Variants in C8orf34 observed in about 807,000 individuals in gnomAD.
C8orf34 encodes uncharacterized protein C8orf34.
Under a neutral mutation model 68.3 loss-of-function variants are expected in C8orf34, and 65 were observed. The observed-to-expected ratio is 0.95, with a 90% confidence interval of 0.78 to 1.17. The LOEUF is 1.17. Ranked by LOEUF, C8orf34 falls within the 50% of genes most tolerant of loss-of-function variation. The probability of loss-of-function intolerance (pLI) is 0.00; values close to 1 mark genes in which losing one functional copy is unlikely to be tolerated. For missense variants in C8orf34, 664 were observed against 655.4 expected (o/e 1.01, Z -0.14); for synonymous variants, 244 against 241.2 (o/e 1.01, Z -0.11).
intron 1 of C8orf34, among the ~76,000 whole-genome samples, chr8:68,388,001 C>A (rs1004583125): frequency 6.6e-6 from 1 of 152,134 alleles, no homozygotes; most frequent in Non-Finnish European, 1.5e-5. Context: ...ACTGAGTGTG[C>A]ATTTCATGGT....
intron 2 of C8orf34, among the ~76,000 whole-genome samples, chr8:68,443,793 T>C (rs2129626437): frequency 6.6e-6 from 1 of 152,330 alleles, no homozygotes; most frequent in African/African-American, 2.4e-5. Flanking sequence ...AGATATCCTC[T>C]TGTTGCCTTT....
chr8:68,372,313 C>A (rs1159672636), intron 1 of C8orf34, among the ~76,000 whole-genome samples: 2 of 152,170 alleles, frequency 1.3e-5, no homozygotes, highest in Non-Finnish European at 2.9e-5. Flanking sequence ...TTAATAACTT[C>A]AGGAAGCAGC....
rs369908740 is a variant in C8orf34, at chr8:68,358,657, CT to C, written c.327+27328del. On this transcript the variant is annotated intron_variant, in intron 1 of 13. Coordinates refer to ENST00000518698, the MANE Select transcript of C8orf34 (RefSeq NM_052958.4). ...CAATTTCTACAATTGGCAATTTATT[CT>C]TTTTTTTTTGGAGGGGGGGTGTTTA... 7.1e-3 allele frequency among the ~76,000 whole-genome samples: 1,040 copies of C among 146,660 alleles called. 38 individuals are homozygous for C. The South Asian group carries it at 0.092, about 13-fold the overall frequency.
intron 7 of C8orf34, among the ~76,000 whole-genome samples, chr8:68,559,736 G>T (rs1431383609): frequency 1.3e-5 from 2 of 152,160 alleles, no homozygotes; most frequent in Non-Finnish European, 2.9e-5. Context: ...TTAGCATGTA[G>T]CCAGGAACTT....
chr8:68,475,635 AAAAT>A (rs761296859), intron 4 of C8orf34, among the ~76,000 whole-genome samples: 114 of 152,360 alleles, frequency 7.5e-4, no homozygotes, highest in Non-Finnish European at 1.4e-3. Context: ...GTGATGCTTA[AAAAT>A]AAATAGATAG....
rs1586342950 is a variant in C8orf34, at chr8:68,538,194, T to A, written c.1105+5045T>A. Among the ~76,000 whole-genome samples the A allele has an allele frequency of 4.6e-5, 7 of 152,216 alleles. No individual in the cohort carries two copies. In the South Asian group the frequency reaches 1.4e-3, roughly 32 times the overall value. On this transcript the variant is annotated intron_variant, in intron 7 of 13. Coordinates refer to ENST00000518698, the MANE Select transcript of C8orf34 (RefSeq NM_052958.4). ...CACATACCAATAACATAGAATAATA[T>A]ATTTTTTCTTGTTTATGTTATAGCT...
In C8orf34 at chr8:68,591,038, T is replaced by C. The variant is rs1419080909; in HGVS notation, c.1106-49338T>C. ...CCAGCCACACTGCATGAGAAACCTATGTCGATTTGAGGCCCTTCCTCTATT... is the reference window on the plus strand; with the variant it reads ...CCAGCCACACTGCATGAGAAACCTACGTCGATTTGAGGCCCTTCCTCTATT... On this transcript the variant is annotated intron_variant, in intron 7 of 13. Coordinates refer to ENST00000518698, the MANE Select transcript of C8orf34 (RefSeq NM_052958.4). Among the ~76,000 whole-genome samples the C allele has an allele frequency of 2.6e-5, 4 of 152,124 alleles. No homozygotes were observed. The East Asian group carries it at 7.7e-4, about 29-fold the overall frequency.
At chr8:68,412,858 A>G (rs1255380701) in intron 1 of C8orf34, among the ~76,000 whole-genome samples, 1 of 151,974 alleles carries the variant, frequency 6.6e-6, no homozygotes, top group Non-Finnish European at 1.5e-5. Context: ...CATCCCACCC[A>G]TTGATCCCAC....
intron 5 of C8orf34, among the ~76,000 whole-genome samples, 181 bp from the exon 6 acceptor site, chr8:68,521,618 A>G (rs1016920003): frequency 6.6e-6 from 1 of 152,192 alleles, no homozygotes; most frequent in African/African-American, 2.4e-5. Context: ...CAGTGACCTT[A>G]GGAATTAGCA....
At chr8:68,742,372 A>C (rs1245374393) in intron 10 of C8orf34, among the ~76,000 whole-genome samples, 1 of 152,224 alleles carries the variant, frequency 6.6e-6, no homozygotes, top group Non-Finnish European at 1.5e-5. Flanking sequence ...AAATAAAACT[A>C]TCAAGCAAGT....
intron 7 of C8orf34, among the ~76,000 whole-genome samples, chr8:68,552,168 C>A (rs1372307538): frequency 6.6e-6 from 1 of 152,124 alleles, no homozygotes; most frequent in Non-Finnish European, 1.5e-5. Flanking sequence ...AGTCCTCCAA[C>A]TCTGTGCTTT....
At chr8:68,446,994 G>C (rs779876460) in intron 3 of C8orf34, 1 of 152,620 alleles carries the variant, frequency 6.6e-6, no homozygotes, top group African/African-American at 2.4e-5. Context: ...GAATGACTGA[G>C]GTTGGGTATT....
intron 1 of C8orf34, among the ~76,000 whole-genome samples, chr8:68,404,812 C>A (rs534302970): frequency 2.6e-5 from 4 of 152,084 alleles, no homozygotes; most frequent in Admixed American, 1.3e-4. Context: ...TAGTGTGATG[C>A]CTCCAGCTTT....
At chr8:68,458,449 TA>T (rs1444389377) in intron 3 of C8orf34, among the ~76,000 whole-genome samples, 2 of 151,752 alleles carry the variant, frequency 1.3e-5, no homozygotes, top group Admixed American at 6.6e-5. Flanking sequence ...GACTAGAATT[TA>T]AAAAAAACCA....
chr8:68,349,473 G>A (rs1806418239), intron 1 of C8orf34, among the ~76,000 whole-genome samples: 1 of 150,462 alleles, frequency 6.6e-6, no homozygotes, highest in Non-Finnish European at 1.5e-5. Context: ...TTAGTATCAA[G>A]ATAATGCTAA....
chr8:68,397,694 C>T (rs943317907), intron 1 of C8orf34, among the ~76,000 whole-genome samples: 18 of 152,078 alleles, frequency 1.2e-4, no homozygotes, highest in East Asian at 3.9e-4. Context: ...CACATTTTTA[C>T]GTTTGAAACA....
intron 10 of C8orf34, among the ~76,000 whole-genome samples, chr8:68,744,365 C>T (rs567709822): frequency 7.4e-4 from 112 of 152,276 alleles, no homozygotes; most frequent in South Asian, 1.2e-3. Flanking sequence ...TCACCAGCAA[C>T]GGAACAAAGC....
intron 1 of C8orf34, among the ~76,000 whole-genome samples, chr8:68,348,107 C>T (rs2129618378): frequency 6.6e-6 from 1 of 151,910 alleles, no homozygotes. Context: ...TTTACATTTA[C>T]ATCTTTAATC....
intron 8 of C8orf34, among the ~76,000 whole-genome samples, chr8:68,693,682 C>T: frequency 6.6e-6 from 1 of 151,992 alleles, no homozygotes; most frequent in African/African-American, 2.4e-5. Flanking sequence ...TGATAAGTGA[C>T]CCAATAAAAT....
Sources: gnomAD v4.1 joint callset for allele counts (sites outside exome capture counted in the v4.1 genomes callset) on GRCh38, gnomAD v4.1.1 for gene constraint, MANE v1.5 for transcripts, NCBI Gene and HGNC (gene_info 2026-07-23, HGNC 2026-07-21) for gene names.